MAGEA4: variants seen among roughly 807,000 people sequenced by gnomAD.
MAGEA4 encodes the protein MAGE family member A4.
In MAGEA4, 1 loss-of-function variant was observed where a neutral mutation model predicts 13.7. The observed-to-expected ratio is 0.07, with a 90% CI of 0.03 to 0.35. The LOEUF (loss-of-function observed/expected upper bound fraction) is 0.35. Ranked by LOEUF, MAGEA4 falls within the 10% of genes least tolerant of loss-of-function variation. The probability of loss-of-function intolerance (pLI) is 0.99; values close to 1 mark genes in which losing one functional copy is unlikely to be tolerated. For synonymous variants in MAGEA4, 132 were observed against 101.1 expected (o/e 1.31, Z -1.83); for missense variants, 312 against 245.1 (o/e 1.27, Z -1.82).
intron 1 of MAGEA4, among the ~76,000 whole-genome samples, chrX:151,922,307 A>T (rs1019447212): frequency 9.0e-6 from 1 of 111,102 alleles, no homozygotes; most frequent in African/African-American, 3.3e-5. Context: ...CACAGGCAGG[A>T]AGTTGGGGAA....
Position 151,925,033 on chromosome X carries a change from A to T in MAGEA4, c.*415A>T, listed in dbSNP as rs1933647122. ...GAATTCACCGTGAAATAGGTGAGAT[A>T]AATTAAAAGATACTTAATTCCCGCC... is the stretch of plus-strand genomic sequence containing the variant. On this transcript the variant is annotated 3_prime_UTR_variant, in exon 3 of 3. Transcript: ENST00000276344. The T allele has an allele frequency of 1.5e-5, 2 of 131,273 alleles. No individual in the cohort carries two copies. The highest frequency in any genetic ancestry group is 8.9e-5 in the Admixed American group (1 of 11,258). 10.8% of individuals were successfully genotyped at this position (131,273 alleles called of 1,213,427 possible). A position where few individuals can be genotyped will look rare whatever the true frequency, so the allele number is the denominator to read the frequency against.
intron 1 of MAGEA4, among the ~76,000 whole-genome samples, chrX:151,919,890 G>C (rs903657423): frequency 1.8e-5 from 2 of 110,842 alleles, no homozygotes; most frequent in African/African-American, 6.6e-5. Context: ...TGCAGTCAGA[G>C]CTTGGGGTGA....
In MAGEA4 at chrX:151,924,362, A is replaced by T. The variant is rs754647855; in HGVS notation, c.698A>T (p.Asp233Val). Residue 233 changes from aspartate to valine, a missense_variant, in exon 3 of 3, where the codon GAT becomes GTT. Transcript: ENST00000276344. ...GAGCTGGGTGTGATGGGGGTGTATG[A>T]TGGGAGGGAGCACACTGTCTATGGG... ...WEELGVMGVY[D>V]GREHTVYGEP... 5.3e-5 allele frequency: 64 copies of T among 1,208,696 alleles called. No individual in the cohort carries two copies. Among genetic ancestry groups the T allele is most frequent in the Middle Eastern group, 2.3e-4 (1 of 4,360 alleles).
At chrX:151,913,761 G>C (rs1275514154) in intron 1 of MAGEA4, 1 of 281,328 alleles carries the variant, frequency 3.6e-6, no homozygotes, top group African/African-American at 3.0e-5. Flanking sequence ...TCAGAGCTTG[G>C]GTTGATTAGT....
chrX:151,921,865 C>T (rs1357623859), intron 1 of MAGEA4, among the ~76,000 whole-genome samples: 1 of 108,905 alleles, frequency 9.2e-6, no homozygotes, highest in African/African-American at 3.4e-5. Context: ...CCCACCCCGT[C>T]TGAGAATGAG....
chrX:151,919,833 G>A, intron 1 of MAGEA4: 3 of 652,701 alleles, frequency 4.6e-6, no homozygotes, highest in Non-Finnish European at 5.5e-6. Flanking sequence ...GGACTTCTGA[G>A]TCTGGGGCGC....
In MAGEA4 at chrX:151,923,181, C is replaced by T. The variant is rs760685311; in HGVS notation, c.-137-272C>T. Among the ~76,000 whole-genome samples, 3 of 112,110 alleles carry T rather than the reference C, an allele frequency of 2.7e-5. No homozygotes were observed. The South Asian group carries it at 1.1e-3, about 42-fold the overall frequency. On this transcript the variant is annotated intron_variant, in intron 1 of 2. Transcript: ENST00000276344. ...GGACCGGGGCTGTGCTTACAGTCTG[C>T]ACCCTAAGGGCCCATGGATTCCTCT...
chrX:151,924,605 A>C lies in MAGEA4; in HGVS notation c.941A>C (p.Glu314Ala). 8.4e-7 allele frequency: 1 copy of C among 1,187,432 alleles called. No homozygotes were observed. Among genetic ancestry groups the C allele is most frequent in the Non-Finnish European group, 1.1e-6 (1 of 882,123 alleles). Residue 314 changes from glutamate (E) to alanine (A), a missense_variant, in exon 3 of 3, where the codon GAA (glutamate) becomes GCA (alanine). Physicochemically the swap from Glu to Ala is moderately radical, Grantham distance 107. Transcript: ENST00000276344. ...SLREAALLEE[E>A]EGV ...CGTGAAGCAGCTTTGTTAGAGGAGG[A>C]AGAGGGAGTCTGAGCATGAGTTGCA...
At chrX:151,922,788 G>A (rs1438078696) in intron 1 of MAGEA4, among the ~76,000 whole-genome samples, 1 of 111,779 alleles carries the variant, frequency 8.9e-6, no homozygotes, top group Non-Finnish European at 1.9e-5. Flanking sequence ...GTGTCACGGA[G>A]TGGGAGGCCT....
chrX:151,920,922 G>A (rs1483280640), intron 1 of MAGEA4, among the ~76,000 whole-genome samples: 1 of 110,307 alleles, frequency 9.1e-6, no homozygotes, highest in Non-Finnish European at 1.9e-5. Context: ...GGACTACCCC[G>A]CGGAGGCTGA....
At chrX:151,919,779 A>T (rs991639125) in intron 1 of MAGEA4, 1 of 744,568 alleles carries the variant, frequency 1.3e-6, no homozygotes, top group Non-Finnish European at 1.6e-6. Context: ...AATCCCAAAT[A>T]ATCCCGAACC....
chrX:151,923,569 G>T (rs778940909), intron 2 of MAGEA4, 31 bp from the exon 3 acceptor site: 2 of 1,208,186 alleles, frequency 1.7e-6, no homozygotes, highest in Admixed American at 4.4e-5. Flanking sequence ...GTTCTCAGCT[G>T]AGGTCTCTCA....
Position 151,924,798 on chromosome X carries a change from T to C in MAGEA4, c.*180T>C, listed in dbSNP as rs372500407. ...TTTTGTTGGATGACTTGGAGATTTA[T>C]CTCTGTTTCCTTTTACAATTGTTGA... On this transcript the variant is annotated 3_prime_UTR_variant, in exon 3 of 3. Coordinates refer to ENST00000276344, the MANE Select transcript of MAGEA4 (RefSeq NM_001011548.1). 5.2e-5 allele frequency: 22 copies of C among 427,158 alleles called. No individual in the cohort carries two copies. In the East Asian group the frequency reaches 5.8e-4, roughly 11 times the overall value. 35.2% of individuals were successfully genotyped at this position (427,158 alleles called of 1,213,427 possible).
rs951737511 is a variant in MAGEA4, at chrX:151,913,572, C to T, written c.-138+603C>T. 5.3e-4 allele frequency: 393 copies of T among 747,485 alleles called. 2 individuals carry two copies. The highest frequency in any genetic ancestry group is 1.2e-4 in the Non-Finnish European group (79 of 636,748). 61.6% of individuals were successfully genotyped at this position (747,485 alleles called of 1,213,427 possible). On this transcript the variant is annotated intron_variant, in intron 1 of 2. Coordinates refer to ENST00000276344, the MANE Select transcript of MAGEA4 (RefSeq NM_001011548.1). ...GATTGGCGGAGGGAAGCGGGCCAGGCCCTGTGAGGAGTCAAGGTGAGACGC... is the reference window on the plus strand; with the variant it reads ...GATTGGCGGAGGGAAGCGGGCCAGGTCCTGTGAGGAGTCAAGGTGAGACGC...
intron 1 of MAGEA4, among the ~76,000 whole-genome samples, chrX:151,920,372 C>A (rs1478488810): frequency 9.0e-6 from 1 of 110,502 alleles, no homozygotes; most frequent in Non-Finnish European, 1.9e-5. Flanking sequence ...TGCTTCCAGT[C>A]CTGGGCCACC....
intron 1 of MAGEA4, among the ~76,000 whole-genome samples, chrX:151,917,851 G>A (rs1382857754): frequency 9.9e-6 from 1 of 101,469 alleles, no homozygotes; most frequent in East Asian, 3.3e-4. Context: ...CAGAGCTTGG[G>A]GTGTTTAGTG....
At chrX:151,922,284 A>G (rs756453001) in intron 1 of MAGEA4, among the ~76,000 whole-genome samples, 1 of 111,305 alleles carries the variant, frequency 9.0e-6, no homozygotes, top group South Asian at 3.9e-4. Flanking sequence ...CTATGTGCCA[A>G]TTTCACTTGT....
In MAGEA4 at chrX:151,923,543, G is replaced by A; in HGVS notation, c.-66+19G>A. 2.5e-6 allele frequency: 3 copies of A among 1,208,727 alleles called. No homozygotes were observed. Among genetic ancestry groups the A allele is most frequent in the Non-Finnish European group, 3.4e-6 (3 of 894,229 alleles). ...AAGATCTGTAAGTAAGCCTTTGTTA[G>A]AGCCTCTAAGATTTGGTTCTCAGCT... On this transcript the variant is annotated intron_variant, in intron 2 of 2. Transcript: ENST00000276344.
At chrX:151,919,810 G>T in intron 1 of MAGEA4, 1 of 722,473 alleles carries the variant, frequency 1.4e-6, no homozygotes. Context: ...CCAGCCCTGG[G>T]CCACTCGTGG....
Sources: allele counts gnomAD v4.1 joint callset (sites outside exome capture counted in the v4.1 genomes callset), GRCh38; gene constraint gnomAD v4.1.1; transcripts MANE v1.5; gene names NCBI Gene and HGNC (gene_info 2026-07-23, HGNC 2026-07-21).